ERC2: variants seen among roughly 807,000 people sequenced by gnomAD.
The protein encoded by ERC2 is ERC protein 2.
Under a neutral mutation model 114.8 loss-of-function variants are expected in ERC2, and 42 were observed. That is an observed-to-expected ratio of 0.37 (90% confidence interval 0.29 to 0.47). The LOEUF is 0.47. Ranked by LOEUF, ERC2 falls within the 20% of genes least tolerant of loss-of-function variation. The pLI is 0.99. For missense variants in ERC2, 939 were observed against 1,150.7 expected (o/e 0.82, Z 2.66); for synonymous variants, 454 against 425.5 (o/e 1.07, Z -0.82).
At chr3:55,968,218 A>T (rs1214450936) in intron 12 of ERC2, among the ~76,000 whole-genome samples, 1 of 152,176 alleles carries the variant, frequency 6.6e-6, no homozygotes, top group African/African-American at 2.4e-5. Context: ...AAGTGAAATG[A>T]CAAGGAACAG....
intron 7 of ERC2, among the ~76,000 whole-genome samples, chr3:56,050,672 T>C (rs1478670930): frequency 1.3e-5 from 2 of 152,174 alleles, no homozygotes; most frequent in African/African-American, 2.4e-5. Context: ...AGTCCTCCCA[T>C]ATTCTCTCAA....
At position 55,654,723 on chromosome 3, in the gene ERC2, C is replaced by T. The variant is rs546456255; in HGVS notation, c.*39+29071G>A. Among the ~76,000 whole-genome samples the T allele has an allele frequency of 6.6e-5, 10 of 152,318 alleles. No individual in the cohort carries two copies. The South Asian group carries it at 1.7e-3, about 25-fold the overall frequency. On this transcript the variant is annotated intron_variant, in intron 17 of 17. Transcript: ENST00000288221. ...TCCTGCTTTGGCACGAGAAGGAGAC[C>T]GGAGGCATGTGTTGGAAGCCTCCTC...
Position 55,697,711 on chromosome 3 carries a change from G to A in ERC2, c.2847+1667C>T, listed in dbSNP as rs139637795. The stretch of plus-strand genomic sequence containing the variant: ...CCTGGATGACCTACTCCCCTGACTT[G>A]GCTCCAAATCCTTCTTTCTACTCTT... On this transcript the variant is annotated intron_variant, in intron 16 of 17. Coordinates refer to ENST00000288221, the MANE Select transcript of ERC2 (RefSeq NM_015576.3). Among the ~76,000 whole-genome samples, 336 of 152,136 alleles carry A rather than the reference G, an allele frequency of 2.2e-3. 1 individual carries two copies. The highest frequency in any genetic ancestry group is 0.01 in the Middle Eastern group (3 of 294).
intron 8 of ERC2, among the ~76,000 whole-genome samples, chr3:56,013,212 CT>C (rs1176690852): frequency 3.3e-5 from 5 of 152,160 alleles, no homozygotes; most frequent in African/African-American, 1.2e-4. Flanking sequence ...GAATAACATA[CT>C]CCCTAGGATG....
intron 2 of ERC2, among the ~76,000 whole-genome samples, chr3:56,422,625 T>C (rs2061427883): frequency 6.6e-6 from 1 of 152,220 alleles, no homozygotes; most frequent in Non-Finnish European, 1.5e-5. Flanking sequence ...AACACATTGC[T>C]TACTCCACTC....
At chr3:55,595,163 C>T (rs2058071317) in intron 17 of ERC2, among the ~76,000 whole-genome samples, 1 of 152,036 alleles carries the variant, frequency 6.6e-6, no homozygotes, top group African/African-American at 2.4e-5. Context: ...TTAGAAGGAC[C>T]CAGCAGTTTA....
chr3:55,800,975 C>A (rs938899491), intron 14 of ERC2, among the ~76,000 whole-genome samples: 1 of 152,288 alleles, frequency 6.6e-6, no homozygotes, highest in African/African-American at 2.4e-5. Flanking sequence ...GTCTGAAAAC[C>A]TCTCCTTCTT....
chr3:56,390,841 GC>G (rs2060102085), intron 2 of ERC2, among the ~76,000 whole-genome samples: 1 of 152,126 alleles, frequency 6.6e-6, no homozygotes, highest in Non-Finnish European at 1.5e-5. Flanking sequence ...TTAACAGGAA[GC>G]ACTACTCATA....
At chr3:56,085,362 A>C (rs925891330) in intron 6 of ERC2, among the ~76,000 whole-genome samples, 1 of 152,180 alleles carries the variant, frequency 6.6e-6, no homozygotes, top group Non-Finnish European at 1.5e-5. Flanking sequence ...GGAGCCCCCA[A>C]GCCCTAATGG....
chr3:55,964,805 C>G (rs150100470), intron 12 of ERC2, among the ~76,000 whole-genome samples: 48 of 152,274 alleles, frequency 3.2e-4, no homozygotes, highest in Middle Eastern at 3.4e-3. Context: ...TCATTCAGGT[C>G]GTTGGCAGGA....
At chr3:56,303,111 C>G (rs1051602042) in intron 2 of ERC2, among the ~76,000 whole-genome samples, 1 of 152,218 alleles carries the variant, frequency 6.6e-6, no homozygotes, top group Non-Finnish European at 1.5e-5. Context: ...AGGCAAACTC[C>G]ATTCTCCACT....
intron 2 of ERC2, among the ~76,000 whole-genome samples, chr3:56,298,155 T>G (rs1298897379): frequency 2.0e-5 from 3 of 152,226 alleles, no homozygotes; most frequent in Non-Finnish European, 4.4e-5. Flanking sequence ...AGACACCTCA[T>G]GCCCTTTAGC....
intron 14 of ERC2, among the ~76,000 whole-genome samples, chr3:55,764,124 T>A (rs566466924): frequency 1.3e-5 from 2 of 152,222 alleles, no homozygotes; most frequent in African/African-American, 2.4e-5. Flanking sequence ...TTTTTATGGA[T>A]ACAGCCTGGG....
chr3:55,590,356 A>G (rs1240484993), intron 17 of ERC2, among the ~76,000 whole-genome samples: 1 of 152,208 alleles, frequency 6.6e-6, no homozygotes, highest in Non-Finnish European at 1.5e-5. Context: ...CTTCATTAAC[A>G]TCTAAAAAGA....
At chr3:55,809,904 A>G (rs1030547175) in intron 14 of ERC2, among the ~76,000 whole-genome samples, 6 of 152,242 alleles carry the variant, frequency 3.9e-5, no homozygotes, top group African/African-American at 1.4e-4. Context: ...TCTCAGGTAG[A>G]GGAAAACAGT....
intron 8 of ERC2, among the ~76,000 whole-genome samples, chr3:56,012,638 C>T (rs1490007328): frequency 1.3e-5 from 2 of 152,006 alleles, no homozygotes; most frequent in Admixed American, 1.3e-4. Context: ...GAAAGTAGGT[C>T]GATTTGCTCT....
intron 1 of ERC2, among the ~76,000 whole-genome samples, chr3:56,463,346 T>C (rs1290947170): frequency 6.6e-6 from 1 of 152,204 alleles, no homozygotes; most frequent in Non-Finnish European, 1.5e-5. Flanking sequence ...AGCTGAAAAG[T>C]TCTTGGAGTA....
intron 6 of ERC2, among the ~76,000 whole-genome samples, chr3:56,083,085 A>T (rs2149763476): frequency 6.6e-6 from 1 of 152,366 alleles, no homozygotes; most frequent in African/African-American, 2.4e-5. Flanking sequence ...AGACATGTCC[A>T]CAAAATGATT....
intron 17 of ERC2, among the ~76,000 whole-genome samples, chr3:55,579,569 A>G (rs1366644322): frequency 1.3e-5 from 2 of 152,246 alleles, no homozygotes; most frequent in Non-Finnish European, 2.9e-5. Flanking sequence ...TGCTGGCTTC[A>G]GACCTCTCTT....
Sources: allele counts gnomAD v4.1 joint callset (sites outside exome capture counted in the v4.1 genomes callset), GRCh38; gene constraint gnomAD v4.1.1; transcripts MANE v1.5; gene names NCBI Gene and HGNC (gene_info 2026-07-23, HGNC 2026-07-21).